The following VPS13B variants were observed in gnomAD, a reference collection of about 807,000 sequenced individuals.
The protein encoded by VPS13B is intermembrane lipid transfer protein VPS13B.
Under a neutral mutation model 426.4 loss-of-function variants are expected in VPS13B, and 285 were observed. That is an observed-to-expected ratio of 0.67 (90% CI 0.61 to 0.74). The LOEUF (loss-of-function observed/expected upper bound fraction) is 0.74. VPS13B is among the 30% of genes least tolerant of loss of function. The pLI, the probability that VPS13B is intolerant of heterozygous loss-of-function variation, is 0.00. For missense variants in VPS13B, 4,537 were observed against 4,782.6 expected (o/e 0.95, Z 1.51); for synonymous variants, 1,676 against 1,676.4 (o/e 1.00, Z 0.01).
At chr8:99,570,720 T>C (rs1825431746) in intron 31 of VPS13B, among the ~76,000 whole-genome samples, 1 of 152,148 alleles carries the variant, frequency 6.6e-6, no homozygotes, top group African/African-American at 2.4e-5. Flanking sequence ...GATTTTTATG[T>C]ATATATAAAA....
At chr8:99,842,629 C>A (rs1815765471) in intron 54 of VPS13B, among the ~76,000 whole-genome samples, 1 of 151,752 alleles carries the variant, frequency 6.6e-6, no homozygotes, top group Admixed American at 6.6e-5. Context: ...TTTAAAAAAA[C>A]AAAAAACTTC....
chr8:99,028,669 G>A (rs1195242822), intron 2 of VPS13B, among the ~76,000 whole-genome samples: 2 of 133,092 alleles, frequency 1.5e-5, no homozygotes, highest in Non-Finnish European at 3.3e-5. Context: ...CAGGTGGGGG[G>A]CTGACCCCCC....
chr8:99,229,713 A>G (rs1381238935), intron 17 of VPS13B, among the ~76,000 whole-genome samples: 2 of 152,198 alleles, frequency 1.3e-5, no homozygotes, highest in Non-Finnish European at 2.9e-5. Flanking sequence ...GAATTCTGAG[A>G]TTAAAAAAAG....
Position 99,181,009 on chromosome 8 carries a change from T to C in VPS13B, c.2333+10846T>C, listed in dbSNP as rs77778086. Among the ~76,000 whole-genome samples, 1,029 of 152,336 alleles carry C rather than the reference T, an allele frequency of 6.8e-3. 9 individuals carry two copies. Among genetic ancestry groups the C allele is most frequent in the African/African-American group, 0.021 (890 of 41,586 alleles). On this transcript the variant is annotated intron_variant, in intron 16 of 61. Transcript: ENST00000357162. ...TTTTCTGCTGTACAGCTTGACTATA[T>C]CCATCAAAATCTGTAAGCATGAATA...
At position 99,686,551 on chromosome 8, in the gene VPS13B, G is replaced by T. The variant is rs537945731; in HGVS notation, c.6047-12974G>T. Among the ~76,000 whole-genome samples the T allele has an allele frequency of 3.3e-5, 5 of 152,022 alleles. No homozygotes were observed. The South Asian group carries it at 6.2e-4, about 19-fold the overall frequency. On this transcript the variant is annotated intron_variant, in intron 35 of 61. Coordinates refer to ENST00000357162, the MANE Select transcript of VPS13B (RefSeq NM_152564.5). ...GCTCCATTCTACTGAGAATGAGCTG[G>T]CACCCAAGCCACACACAAGAAAAAG...
rs1478296228 is a variant in VPS13B at position 99,136,713 on chromosome 8, A to G, written c.1612A>G (p.Met538Val). Reference protein sequence around the residue: ...AGMQRFGAFYMDYLYTMENTS... With the variant: ...AGMQRFGAFYVDYLYTMENTS... ...AATGCAACGGTTTGGGGCTTTTTAT[A>G]TGGATTACCTGTATACAATGGAGAA... The change falls in exon 12 of 62, where the codon ATG becomes GTG. Residue 538 changes from methionine to valine, a missense_variant. Physicochemically the swap from Met to Val is conservative, Grantham distance 21. Coordinates refer to ENST00000357162, the MANE Select transcript of VPS13B (RefSeq NM_152564.5). 2 of 1,613,536 alleles carry G rather than the reference A, an allele frequency of 1.2e-6. No individual in the cohort carries two copies. Among genetic ancestry groups the G allele is most frequent in the African/African-American group, 1.3e-5 (1 of 74,908 alleles).
chr8:99,330,542 C>T (rs996801809), intron 19 of VPS13B, among the ~76,000 whole-genome samples: 3 of 151,936 alleles, frequency 2.0e-5, no homozygotes, highest in Non-Finnish European at 2.9e-5. Flanking sequence ...TTCCCTCACC[C>T]CTACTCCTAG....
intron 39 of VPS13B, among the ~76,000 whole-genome samples, chr8:99,747,022 A>G (rs1260429052): frequency 6.6e-6 from 1 of 152,144 alleles, no homozygotes; most frequent in East Asian, 1.9e-4. Context: ...CATTTTCTAT[A>G]AGTCTTTAAA....
intron 17 of VPS13B, among the ~76,000 whole-genome samples, chr8:99,264,970 C>A (rs1427044545): frequency 6.6e-6 from 1 of 151,754 alleles, no homozygotes; most frequent in Admixed American, 6.6e-5. Flanking sequence ...ACTTTATTTT[C>A]CAATCTATTT....
At chr8:99,601,655 C>T (rs1313128695) in intron 33 of VPS13B, among the ~76,000 whole-genome samples, 3 of 152,110 alleles carry the variant, frequency 2.0e-5, no homozygotes, top group Non-Finnish European at 4.4e-5. Context: ...ATCCTCCACA[C>T]CGTCTGTTGT....
chr8:99,045,685 G>T (rs920312000), intron 3 of VPS13B, among the ~76,000 whole-genome samples: 1 of 152,202 alleles, frequency 6.6e-6, no homozygotes, highest in African/African-American at 2.4e-5. Flanking sequence ...TCAGGTCTTA[G>T]ATTTAAGTCC....
At chr8:99,826,259 A>G (rs958394882) in intron 51 of VPS13B, among the ~76,000 whole-genome samples, 1 of 152,142 alleles carries the variant, frequency 6.6e-6, no homozygotes, top group African/African-American at 2.4e-5. Context: ...GCAGTGGTAC[A>G]TAGTTCTCCT....
At chr8:99,255,430 G>A (rs922646760) in intron 17 of VPS13B, among the ~76,000 whole-genome samples, 3 of 151,980 alleles carry the variant, frequency 2.0e-5, no homozygotes, top group African/African-American at 4.8e-5. Flanking sequence ...TTTTTGGTAC[G>A]ATGAGTGATT....
intron 21 of VPS13B, among the ~76,000 whole-genome samples, chr8:99,397,141 C>CTTTA (rs1337610604): frequency 3.3e-5 from 5 of 151,890 alleles, no homozygotes; most frequent in Non-Finnish European, 5.9e-5. Flanking sequence ...AATATTTCTT[C>CTTTA]TTTATTTATT....
intron 15 of VPS13B, among the ~76,000 whole-genome samples, chr8:99,163,722 C>T (rs1327417348): frequency 1.3e-5 from 2 of 152,210 alleles, no homozygotes. Flanking sequence ...CATGTCCACA[C>T]AGAACTCCAG....
At chr8:99,626,676 T>C (rs1255436745) in intron 33 of VPS13B, among the ~76,000 whole-genome samples, 1 of 152,190 alleles carries the variant, frequency 6.6e-6, no homozygotes, top group East Asian at 1.9e-4. Flanking sequence ...CTCTTATGCG[T>C]TGTTGGTGGG....
intron 30 of VPS13B, among the ~76,000 whole-genome samples, chr8:99,555,189 C>G (rs1392150969): frequency 6.6e-6 from 1 of 152,044 alleles, no homozygotes; most frequent in Non-Finnish European, 1.5e-5. Context: ...CTTGCCTGGC[C>G]CAGTCCTGAG....
chr8:99,831,467 C>G (rs1815056045), intron 51 of VPS13B, among the ~76,000 whole-genome samples: 1 of 152,134 alleles, frequency 6.6e-6, no homozygotes, highest in African/African-American at 2.4e-5. Context: ...AAAGTATTAT[C>G]TTTCTTTACC....
At chr8:99,453,362 A>C (rs1461662213) in intron 23 of VPS13B, among the ~76,000 whole-genome samples, 2 of 152,206 alleles carry the variant, frequency 1.3e-5, no homozygotes, top group African/African-American at 2.4e-5. Flanking sequence ...TTGGGGAGAA[A>C]AGGAAGCTCA....
Sources: gnomAD v4.1 joint callset for allele counts (sites outside exome capture counted in the v4.1 genomes callset) on GRCh38, gnomAD v4.1.1 for gene constraint, MANE v1.5 for transcripts, NCBI Gene and HGNC (gene_info 2026-07-23, HGNC 2026-07-21) for gene names.